CTSA: variants seen among roughly 807,000 people sequenced by gnomAD.
CTSA encodes the protein lysosomal protective protein.
A neutral mutation model predicts 66.7 loss-of-function variants in CTSA; 42 were observed. The observed-to-expected ratio is 0.63, with a 90% confidence interval of 0.49 to 0.81. The LOEUF is 0.81. Ranked by LOEUF, CTSA falls within the 40% of genes least tolerant of loss-of-function variation. The pLI is 0.00. For missense variants in CTSA, 525 were observed against 610.9 expected (o/e 0.86, Z 1.48); for synonymous variants, 225 against 248.6 (o/e 0.91, Z 0.89).
chr20:45,892,247 TACTC>T (rs749422426), intron 3 of CTSA, 22 bp from the exon 4 acceptor site: 49 of 1,613,228 alleles, frequency 3.0e-5, no homozygotes, highest in African/African-American at 5.3e-5. Flanking sequence ...CCTTGGGACT[TACTC>T]AGCCATCTCT....
Position 45,896,834 on chromosome 20 carries a change from C to A in CTSA, c.1089-131C>A, listed in dbSNP as rs199636177. 1.6e-4 allele frequency: 113 copies of A among 727,526 alleles called. 1 individual carries two copies. Among genetic ancestry groups the A allele is most frequent in the African/African-American group, 5.3e-4 (30 of 56,356 alleles). 45.1% of individuals were successfully genotyped at this position (727,526 alleles called of 1,614,324 possible). On this transcript the variant is annotated intron_variant, in intron 11 of 14. Transcript: ENST00000646241. ...CAGTCCTAGAGAGGTGGCCCCCCCC[C>A]AAAAAGGGGAGTGGAACCCAGCTGT...
intron 6 of CTSA, 162 bp downstream of exon 6, chr20:45,893,042 AACTC>A: frequency 1.0e-6 from 1 of 963,958 alleles, no homozygotes; most frequent in Non-Finnish European, 1.6e-6. Flanking sequence ...CCACACAGGA[AACTC>A]ACCTGTCAGG....
intron 6 of CTSA, 152 bp from the exon 7 acceptor site, chr20:45,893,068 G>C: frequency 1.1e-6 from 1 of 930,012 alleles, no homozygotes; most frequent in Non-Finnish European, 1.7e-6. Flanking sequence ...TGCCAGCTCT[G>C]TGTTTTGCAT....
chr20:45,893,180 T>C, intron 6 of CTSA, 40 bp from the exon 7 acceptor site: 1 of 1,542,758 alleles, frequency 6.5e-7, no homozygotes, highest in Non-Finnish European at 9.0e-7. Flanking sequence ...CTCTTCCTTT[T>C]TGCCCTCCAC....
chr20:45,894,613 G>A (rs1987139678), intron 8 of CTSA, 37 bp from the exon 9 acceptor site: 4 of 1,571,224 alleles, frequency 2.5e-6, no homozygotes, highest in South Asian at 1.1e-5. Context: ...AGAGGCTGGG[G>A]ATCTGTAAAG....
chr20:45,893,776 T>G (rs943724268), intron 7 of CTSA, among the ~76,000 whole-genome samples: 1 of 151,996 alleles, frequency 6.6e-6, no homozygotes, highest in African/African-American at 2.4e-5. Flanking sequence ...CAGCCAGAAA[T>G]CAGATTTTAA....
At chr20:45,897,242 G>C in intron 12 of CTSA, 1 of 627,018 alleles carries the variant, frequency 1.6e-6, no homozygotes, top group East Asian at 2.8e-5. Flanking sequence ...AGGAGGCCTA[G>C]GGGTCTGCAT....
At chr20:45,893,402 G>C in intron 7 of CTSA, 91 bp downstream of exon 7, 1 of 976,140 alleles carries the variant, frequency 1.0e-6, no homozygotes, top group South Asian at 1.3e-5. Context: ...GACAGGCCCA[G>C]CCCAGGTTTA....
chr20:45,897,615 A>G, intron 12 of CTSA, 102 bp from the exon 13 acceptor site: 1 of 775,496 alleles, frequency 1.3e-6, no homozygotes, highest in East Asian at 2.5e-5. Flanking sequence ...CGTGTTATCT[A>G]GCTTGGCCCC....
intron 11 of CTSA, among the ~76,000 whole-genome samples, chr20:45,895,964 G>A (rs2083100720): frequency 6.6e-6 from 1 of 152,152 alleles, no homozygotes; most frequent in Non-Finnish European, 1.5e-5. Flanking sequence ...GGAGGCTGAG[G>A]TGGGGGAATC....
chr20:45,895,262 C>A, intron 11 of CTSA, 129 bp downstream of exon 11: 1 of 1,021,010 alleles, frequency 9.8e-7, no homozygotes. Flanking sequence ...GTTTAACATC[C>A]ATCCCTGACC....
chr20:45,892,932 C>A, intron 6 of CTSA, 52 bp downstream of exon 6: 2 of 1,602,742 alleles, frequency 1.2e-6, no homozygotes, highest in Non-Finnish European at 8.5e-7. Flanking sequence ...TGTGGCCTTA[C>A]AGTTAGCAAG....
intron 5 of CTSA, 41 bp from the exon 6 acceptor site, chr20:45,892,684 A>G: frequency 6.2e-7 from 1 of 1,613,812 alleles, no homozygotes. Context: ...TTCAAATACC[A>G]AAGCTTCCTG....
Position 45,898,006 on chromosome 20 carries a change from T to G in CTSA, c.1256T>G (p.Met419Arg). Residue 419 changes from methionine (M) to arginine (R), a missense_variant and splice_region_variant, in exon 14 of 15, where the codon ATG becomes AGG. This residue lies in a region of CTSA where 274 missense variants were observed against 321.1 expected (regional missense o/e 0.85). Transcript: ENST00000646241. The surrounding 1 kb of genome is among the most constrained non-coding windows in gnomAD (Gnocchi z 4.6). ...CTGATGTCTTTCCTGGTGGGGCAGA[T>G]GGAGGTGCAGCGCCGGCCCTGGTTA... ...EWFVDSLNQK[M>R]EVQRRPWLVK... is the part of the protein sequence containing the mutation. 1 of 1,614,010 alleles carries G rather than the reference T, an allele frequency of 6.2e-7. No homozygotes were observed. Among genetic ancestry groups the G allele is most frequent in the Non-Finnish European group, 8.5e-7 (1 of 1,179,942 alleles).
chr20:45,892,043 G>T lies in CTSA; in HGVS notation c.306+16G>T. The T allele has an allele frequency of 6.2e-7, 1 of 1,604,476 alleles. No individual in the cohort carries two copies. Among genetic ancestry groups the T allele is most frequent in the South Asian group, 1.1e-5 (1 of 90,908 alleles). On this transcript the variant is annotated intron_variant, in intron 3 of 14. Transcript: ENST00000646241. ...CCCCTTCCTGGTGAGTGGACAGCAGGGGGAAAGCACAGTTCCCAAAGTAAA... is the reference window on the plus strand; with the variant it reads ...CCCCTTCCTGGTGAGTGGACAGCAGTGGGAAAGCACAGTTCCCAAAGTAAA...
intron 8 of CTSA, chr20:45,894,389 C>T: frequency 1.6e-6 from 1 of 614,320 alleles, no homozygotes; most frequent in East Asian, 2.8e-5. Flanking sequence ...TGAGATCATA[C>T]TACCCACATT....
chr20:45,898,814 C>T lies in CTSA; in HGVS notation c.*364C>T. 1 of 1,105,520 alleles carries T rather than the reference C, an allele frequency of 9.0e-7. No homozygotes were observed. The highest frequency in any genetic ancestry group is 1.3e-6 in the Non-Finnish European group (1 of 778,414). 68.5% of individuals were successfully genotyped at this position (1,105,520 alleles called of 1,614,324 possible). A position where few individuals can be genotyped will look rare whatever the true frequency, so the allele number is the denominator to read the frequency against. Reference sequence around the variant, plus strand: ...GATTATGGAATTAAATTGGGTACAGCTTCAAATCCCGTCTTCTCTGTGGCA... The same window carrying T: ...GATTATGGAATTAAATTGGGTACAGTTTCAAATCCCGTCTTCTCTGTGGCA... On this transcript the variant is annotated 3_prime_UTR_variant, in exon 15 of 15. Transcript: ENST00000646241. This position sits in a 1 kb window ranked among gnomAD's most constrained non-coding sequence, Gnocchi z 4.6.
intron 7 of CTSA, 70 bp downstream of exon 7, chr20:45,893,381 G>A: frequency 8.4e-7 from 1 of 1,186,950 alleles, no homozygotes; most frequent in Admixed American, 1.7e-5. Context: ...TGTCCTCCAG[G>A]CACATGATAT....
chr20:45,895,335 G>A, intron 11 of CTSA: 1 of 643,022 alleles, frequency 1.6e-6, no homozygotes, highest in South Asian at 2.0e-5. Flanking sequence ...AAATTTTTTT[G>A]TTTGAGACAA....
Sources: gnomAD v4.1 joint callset for allele counts (sites outside exome capture counted in the v4.1 genomes callset) on GRCh38, gnomAD v4.1.1 for gene constraint, gnomAD v4.1.1 regional missense constraint, Gnocchi (gnomAD v3.1) non-coding constraint, MANE v1.5 for transcripts, NCBI Gene and HGNC (gene_info 2026-07-23, HGNC 2026-07-21) for gene names.